The following ADRA1B variants were observed in gnomAD, a reference collection of about 807,000 sequenced individuals.
ADRA1B encodes adrenoceptor alpha 1B.
ADRA1B carries 17 observed loss-of-function variants against 17.9 expected under a neutral mutation model. The observed-to-expected ratio is 0.95, with a 90% CI of 0.65 to 1.42. The LOEUF (loss-of-function observed/expected upper bound fraction) is 1.42. ADRA1B is among the 40% of genes most tolerant of loss of function. The pLI is 0.00. For missense variants in ADRA1B, 681 were observed against 722.1 expected, an observed-to-expected ratio of 0.94 and a Z score of 0.65; for synonymous variants, 366 against 327.6, an observed-to-expected ratio of 1.12 and a Z score of -1.27.
chr5:159,983,545 G>A, the ADRA1B span, among the ~76,000 whole-genome samples: 3 of 152,208 alleles, frequency 2.0e-5, no homozygotes, highest in East Asian at 3.9e-4. Flanking sequence ...TTAAGATACA[G>A]TGATGAACAA....
At chr5:159,933,319 G>T (rs1273660043) in intron 1 of ADRA1B, among the ~76,000 whole-genome samples, 1 of 152,098 alleles carries the variant, frequency 6.6e-6, no homozygotes, top group African/African-American at 2.4e-5. Context: ...GATTTCACTG[G>T]GATAAAGTCC....
intron 1 of ADRA1B, among the ~76,000 whole-genome samples, chr5:159,962,616 G>A (rs1320601439): frequency 6.6e-6 from 1 of 151,786 alleles, no homozygotes; most frequent in Non-Finnish European, 1.5e-5. Flanking sequence ...AAAAAAGTTG[G>A]CGGCACATAA....
At chr5:159,958,977 C>T (rs1262655251) in intron 1 of ADRA1B, among the ~76,000 whole-genome samples, 1 of 152,166 alleles carries the variant, frequency 6.6e-6, no homozygotes, top group African/African-American at 2.4e-5. Context: ...TGGGCTTAAG[C>T]CAAAAGGTAG....
intron 1 of ADRA1B, among the ~76,000 whole-genome samples, chr5:159,939,550 A>C (rs996718988): frequency 1.8e-4 from 27 of 152,134 alleles, no homozygotes; most frequent in Non-Finnish European, 2.9e-4. Context: ...TTTGTGCTCA[A>C]ACAGATCAGA....
intron 1 of ADRA1B, among the ~76,000 whole-genome samples, chr5:159,876,004 C>A (rs1246273638): frequency 6.6e-6 from 1 of 152,166 alleles, no homozygotes; most frequent in Non-Finnish European, 1.5e-5. Context: ...GCCTGGCCAA[C>A]ATGGTAAAAC....
rs576210442 is a variant in ADRA1B at position 159,952,073 on chromosome 5, C to T, written c.950-19806C>T. 2.0e-5 allele frequency among the ~76,000 whole-genome samples: 3 copies of T among 152,144 alleles called. No individual in the cohort carries two copies. In the South Asian group the frequency reaches 6.2e-4, roughly 31 times the overall value. On this transcript the variant is annotated intron_variant, in intron 1 of 1. Coordinates refer to ENST00000306675, the MANE Select transcript of ADRA1B (RefSeq NM_000679.4). ...AGTCATCTGAAAACTAGTGTATTCA[C>T]AGTCAAACGCTTATCCCCTACACTT...
intron 1 of ADRA1B, chr5:159,871,194 G>A (rs1176297232): frequency 6.6e-6 from 1 of 152,146 alleles, no homozygotes; most frequent in Non-Finnish European, 1.5e-5. Flanking sequence ...CAACTAAATA[G>A]TTAACTGTGC....
intron 1 of ADRA1B, among the ~76,000 whole-genome samples, chr5:159,919,725 G>A (rs1754426142): frequency 6.6e-6 from 1 of 152,240 alleles, no homozygotes; most frequent in Admixed American, 6.5e-5. Flanking sequence ...CCTCCAGCCT[G>A]CAGAGGCTGT....
chr5:159,989,090 C>A, the ADRA1B span, among the ~76,000 whole-genome samples: 2 of 152,214 alleles, frequency 1.3e-5, no homozygotes, highest in Non-Finnish European at 2.9e-5. Flanking sequence ...TTTTACATTC[C>A]CACCAACAGT....
At chr5:159,902,657 A>C (rs1276278130) in intron 1 of ADRA1B, among the ~76,000 whole-genome samples, 1 of 152,198 alleles carries the variant, frequency 6.6e-6, no homozygotes, top group Non-Finnish European at 1.5e-5. Context: ...TGGTAGAGTC[A>C]GTGTTTTTCC....
At chr5:159,899,275 G>A (rs11135086) in intron 1 of ADRA1B, among the ~76,000 whole-genome samples, 10,383 of 124,124 alleles carry the variant, frequency 0.084, 504 homozygotes, top group African/African-American at 0.16. Context: ...AGGAAGGAAG[G>A]AAGGAAGGAA....
At chr5:159,950,874 A>T (rs1043387499) in intron 1 of ADRA1B, 6 of 590,148 alleles carry the variant, frequency 1.0e-5, no homozygotes, top group African/African-American at 1.8e-5. Flanking sequence ...GTGCCAGTAG[A>T]GGCAGGGGTG....
At chr5:159,893,387 A>G (rs964083045) in intron 1 of ADRA1B, among the ~76,000 whole-genome samples, 1 of 51,544 alleles carries the variant, frequency 1.9e-5, no homozygotes, top group South Asian at 4.6e-4. Context: ...ATCCATAGGA[A>G]GTGATGGAGC....
intron 1 of ADRA1B, among the ~76,000 whole-genome samples, chr5:159,937,483 C>A (rs1754989012): frequency 6.6e-6 from 1 of 151,408 alleles, no homozygotes; most frequent in Admixed American, 6.6e-5. Context: ...AGGAGTCTCA[C>A]CATGTTGCTC....
chr5:159,950,265 C>A (rs757072500), intron 1 of ADRA1B, among the ~76,000 whole-genome samples: 20 of 151,082 alleles, frequency 1.3e-4, no homozygotes, highest in Non-Finnish European at 2.7e-4. Context: ...TTTTGGGTGA[C>A]CCTAGTGGAG....
downstream of ADRA1B, among the ~76,000 whole-genome samples, chr5:159,977,767 A>C (rs1428168774): frequency 5.3e-5 from 8 of 152,086 alleles, no homozygotes; most frequent in Admixed American, 4.6e-4. Flanking sequence ...CACAGGTATG[A>C]CCTGCCCTTA....
chr5:159,940,529 T>A (rs999172140), intron 1 of ADRA1B, among the ~76,000 whole-genome samples: 2 of 152,190 alleles, frequency 1.3e-5, no homozygotes, highest in Non-Finnish European at 2.9e-5. Flanking sequence ...TCTTGCTTAT[T>A]CTATATTCAT....
rs561786639 is a variant in ADRA1B, at chr5:159,923,452, T to C, written c.949+5598T>C. 1.3e-4 allele frequency among the ~76,000 whole-genome samples: 20 copies of C among 152,304 alleles called. No homozygotes were observed. The South Asian group carries it at 3.9e-3, about 30-fold the overall frequency. On this transcript the variant is annotated intron_variant, in intron 1 of 1. Coordinates refer to ENST00000306675, the MANE Select transcript of ADRA1B (RefSeq NM_000679.4). ...ACAGCTTCAAGACCTGGGGATGGGTTGGTGACGGCATAAGAGAGTCCGCAA... is the reference window on the plus strand; with the variant it reads ...ACAGCTTCAAGACCTGGGGATGGGTCGGTGACGGCATAAGAGAGTCCGCAA...
Position 159,972,406 on chromosome 5 carries a change from A to C in ADRA1B, c.1477A>C (p.Asn493His), listed in dbSNP as rs1310518577. 6.6e-7 allele frequency: 1 copy of C among 1,510,450 alleles called. No individual in the cohort carries two copies. The highest frequency in any genetic ancestry group is 2.0e-5 in the Admixed American group (1 of 49,032). The allele number at this position is 1,510,450 out of a possible 1,614,324, so 93.6% of individuals were successfully genotyped here. Reference protein sequence around the residue: ...ESPGTDGGASNGGCEAAADVA... With the variant: ...ESPGTDGGASHGGCEAAADVA... ...CCCCGGGACCGACGGCGGCGCCAGC[A>C]ACGGAGGCTGCGAGGCCGCGGCCGA... The change falls in exon 2 of 2, where the codon AAC (asparagine) becomes CAC (histidine). Residue 493 changes from asparagine (N) to histidine (H), a missense_variant. By Grantham distance (68) the Asn-to-His change is moderately conservative. This residue lies in a region of ADRA1B where 251 missense variants were observed against 224.9 expected (regional missense o/e 1.12). Coordinates refer to ENST00000306675, the MANE Select transcript of ADRA1B (RefSeq NM_000679.4).
Sources: allele counts gnomAD v4.1 joint callset (sites outside exome capture counted in the v4.1 genomes callset), GRCh38; gene constraint gnomAD v4.1.1; regional missense constraint gnomAD v4.1.1; transcripts MANE v1.5; gene names NCBI Gene and HGNC (gene_info 2026-07-23, HGNC 2026-07-21).